The following PCDHGA6 variants were observed in gnomAD, a reference collection of about 807,000 sequenced individuals.
PCDHGA6 encodes protocadherin gamma subfamily A, 6.
Under a neutral mutation model 60.6 loss-of-function variants are expected in PCDHGA6, and 41 were observed. That is an observed-to-expected ratio of 0.68 (90% CI 0.53 to 0.88). PCDHGA6 has a LOEUF of 0.88. PCDHGA6 is among the 40% of genes least tolerant of loss of function. PCDHGA6 has a pLI of 0.00. For missense variants in PCDHGA6, 1,312 were observed against 1,203.0 expected (o/e 1.09, Z -1.34); for synonymous variants, 594 against 524.4 (o/e 1.13, Z -1.81).
chr5:141,389,610 G>C, intron 1 of PCDHGA6: 1 of 1,613,118 alleles, frequency 6.2e-7, no homozygotes, highest in Non-Finnish European at 8.5e-7. Flanking sequence ...CTTCGATATG[G>C]TGCCGCACGC....
At chr5:141,478,442 C>T in intron 1 of PCDHGA6, 1 of 1,613,608 alleles carries the variant, frequency 6.2e-7, no homozygotes, top group Non-Finnish European at 8.5e-7. Flanking sequence ...GCTGAAGAAA[C>T]CTGGTGCAGC....
chr5:141,374,569 G>A lies in PCDHGA6; in HGVS notation c.486G>A (p.Val162=). The stretch of plus-strand genomic sequence containing the variant: ...TAATGGAGGTCTATGACCCTGATGT[G>A]GGAATGAACTCCCTTCAGGGATTTA... ...FPLMEVYDPD[V]GMNSLQGFKL... is the part of the protein sequence containing the mutation. The change falls in exon 1 of 4, where the codon GTG becomes GTA. Residue 162 remains valine, a synonymous_variant. Coordinates refer to ENST00000517434, the MANE Select transcript of PCDHGA6 (RefSeq NM_018919.3). 1.2e-6 allele frequency: 2 copies of A among 1,613,666 alleles called. No individual in the cohort carries two copies. The highest frequency in any genetic ancestry group is 1.3e-5 in the African/African-American group (1 of 75,062).
Position 141,489,585 on chromosome 5 carries a change from G to C in PCDHGA6, c.2425-5222G>C. The C allele has an allele frequency of 6.2e-7, 1 of 1,614,090 alleles. No individual in the cohort carries two copies. On this transcript the variant is annotated intron_variant, in intron 1 of 3. Transcript: ENST00000517434. This position sits in a 1 kb window ranked among gnomAD's most constrained non-coding sequence, Gnocchi z 4.5. ...AGGTGGTGACTGAACACCCCCTGGA[G>C]CTAATCCGTGTAGAGGTAGAGATCC...
intron 1 of PCDHGA6, chr5:141,378,091 TC>T (rs1774623141): frequency 6.6e-6 from 1 of 152,230 alleles, no homozygotes; most frequent in African/African-American, 2.4e-5. Flanking sequence ...TAACTTTTTT[TC>T]AAACTCTAAA....
intron 1 of PCDHGA6, chr5:141,415,388 G>T: frequency 6.2e-7 from 1 of 1,614,236 alleles, no homozygotes; most frequent in Non-Finnish European, 8.5e-7. Context: ...GGCTTGACAG[G>T]TGTGTCCGGC....
Position 141,487,781 on chromosome 5 carries a change from G to T in PCDHGA6, c.2425-7026G>T. ...AGACGCTGTGCTTTGTAACTGTTTC[G>T]TGAATTAACCAGAGTTGTCACAGTT... On this transcript the variant is annotated intron_variant, in intron 1 of 3. Transcript: ENST00000517434. This position sits in a 1 kb window ranked among gnomAD's most constrained non-coding sequence, Gnocchi z 5.0. 2 of 1,526,850 alleles carry T rather than the reference G, an allele frequency of 1.3e-6. No homozygotes were observed. The highest frequency in any genetic ancestry group is 8.8e-7 in the Non-Finnish European group (1 of 1,130,880). The allele number at this position is 1,526,850 out of a possible 1,614,324, so 94.6% of individuals were successfully genotyped here. A position where few individuals can be genotyped will look rare whatever the true frequency, so the allele number is the denominator to read the frequency against.
chr5:141,421,799 A>G (rs778353620), intron 1 of PCDHGA6: 1 of 1,613,860 alleles, frequency 6.2e-7, no homozygotes, highest in South Asian at 1.1e-5. Flanking sequence ...GATGGGGCCA[A>G]GAATCCAGAG....
intron 1 of PCDHGA6, chr5:141,390,100 C>A (rs2092045935): frequency 1.2e-6 from 2 of 1,614,060 alleles, no homozygotes; most frequent in Non-Finnish European, 1.7e-6. Context: ...GTGGTTCCCC[C>A]CAACTACAGC....
chr5:141,430,809 G>A (rs949727881), intron 1 of PCDHGA6: 5 of 1,527,014 alleles, frequency 3.3e-6, no homozygotes, highest in Non-Finnish European at 4.4e-6. Context: ...GTCCTGCTGG[G>A]AATCCTCCTG....
rs1288071067 is a variant in PCDHGA6 at position 141,404,171 on chromosome 5, GC to G, written c.2424+27667del. ...AGAAGATTATTACAGATTGTTGACG[GC>G]CCAAATTCTTGACCGAGAAAAAGCC... On this transcript the variant is annotated intron_variant, in intron 1 of 3. Coordinates refer to ENST00000517434, the MANE Select transcript of PCDHGA6 (RefSeq NM_018919.3). 5.6e-6 allele frequency: 9 copies of G among 1,612,616 alleles called. No homozygotes were observed. The African/African-American group carries it at 9.4e-5, about 17-fold the overall frequency.
At chr5:141,389,243 T>C (rs370534911) in intron 1 of PCDHGA6, 4 of 1,614,056 alleles carry the variant, frequency 2.5e-6, no homozygotes, top group Non-Finnish European at 3.4e-6. Flanking sequence ...TCTCACAGTC[T>C]TCCTATATAG....
chr5:141,393,126 A>C (rs1216742718), intron 1 of PCDHGA6: 1 of 1,613,316 alleles, frequency 6.2e-7, no homozygotes, highest in East Asian at 2.2e-5. Context: ...GTGTCTGATA[A>C]ATATTAACAC....
In PCDHGA6 at chr5:141,476,850, A is replaced by G. The variant is rs747333239; in HGVS notation, c.2425-17957A>G. The G allele has an allele frequency of 1.2e-6, 2 of 1,613,836 alleles. No individual in the cohort carries two copies. Among genetic ancestry groups the G allele is most frequent in the Admixed American group, 3.3e-5 (2 of 60,030 alleles). ...GCGAATGACAATGCGCCTGTCTTCA[A>G]CCAGTCCTTGTACCGGGCGCGCGTC... is the stretch of plus-strand genomic sequence containing the variant. On this transcript the variant is annotated intron_variant, in intron 1 of 3. Transcript: ENST00000517434. The surrounding 1 kb of genome is among the most constrained non-coding windows in gnomAD (Gnocchi z 7.6).
rs1409333356 is a variant in PCDHGA6 at position 141,418,996 on chromosome 5, T to C, written c.2424+42489T>C. On this transcript the variant is annotated intron_variant, in intron 1 of 3. Coordinates refer to ENST00000517434, the MANE Select transcript of PCDHGA6 (RefSeq NM_018919.3). ...CACGGGACCAAGACTCAGGGGAAAATGGGGAAGTCAGGTGTAGCTTAAGTA... is the reference window on the plus strand; with the variant it reads ...CACGGGACCAAGACTCAGGGGAAAACGGGGAAGTCAGGTGTAGCTTAAGTA... 3.3e-5 allele frequency: 54 copies of C among 1,613,756 alleles called. 1 individual carries two copies. The East Asian group carries it at 1.0e-3, about 30-fold the overall frequency.
At chr5:141,495,605 T>G (rs1201224193) in intron 2 of PCDHGA6, among the ~76,000 whole-genome samples, 2 of 152,228 alleles carry the variant, frequency 1.3e-5, no homozygotes, top group African/African-American at 2.4e-5. Context: ...GCTTCCGTCT[T>G]GATTGCTGCA....
At chr5:141,428,275 G>C in intron 1 of PCDHGA6, 1 of 767,218 alleles carries the variant, frequency 1.3e-6, no homozygotes, top group Non-Finnish European at 2.2e-6. Context: ...TGTGCCCTCT[G>C]ATTCCCAAGC....
chr5:141,413,656 G>A, intron 1 of PCDHGA6: 1 of 1,613,872 alleles, frequency 6.2e-7, no homozygotes, highest in Non-Finnish European at 8.5e-7. Flanking sequence ...TCTCCCGGAA[G>A]CTATTGATCC....
At chr5:141,473,169 C>T (rs141382764) in intron 1 of PCDHGA6, among the ~76,000 whole-genome samples, 2 of 152,286 alleles carry the variant, frequency 1.3e-5, no homozygotes, top group East Asian at 3.9e-4. Context: ...GGAAGGCCCA[C>T]TGGTAACTTG....
At position 141,375,695 on chromosome 5, in the gene PCDHGA6, G is replaced by A. The variant is rs540188136; in HGVS notation, c.1612G>A (p.Gly538Arg). The A allele has an allele frequency of 3.1e-6, 5 of 1,614,132 alleles. No individual in the cohort carries two copies. Among genetic ancestry groups the A allele is most frequent in the Middle Eastern group, 1.6e-4 (1 of 6,084 alleles). ...GCTGTGGGTGACAGCCAGCGACAGC[G>A]GGGACCCGCCTCTTAGCAGCAACGT... The part of the protein sequence containing the change: ...LQLWVTASDS[G>R]DPPLSSNVSL... The change falls in exon 1 of 4, where the codon GGG becomes AGG. Residue 538 changes from glycine (G) to arginine (R), a missense_variant. Transcript: ENST00000517434.
Sources: gnomAD v4.1 joint callset for allele counts (sites outside exome capture counted in the v4.1 genomes callset) on GRCh38, gnomAD v4.1.1 for gene constraint, Gnocchi (gnomAD v3.1) non-coding constraint, MANE v1.5 for transcripts, NCBI Gene and HGNC (gene_info 2026-07-23, HGNC 2026-07-21) for gene names.